The following SYT17 variants were observed in gnomAD, a reference collection of about 807,000 sequenced individuals.
The protein encoded by SYT17 is synaptotagmin-17.
In SYT17, 22 loss-of-function variants were observed where a neutral mutation model predicts 46.7. The ratio of observed to expected loss-of-function variants is 0.47; its 90% CI spans 0.34 to 0.67. SYT17 has a LOEUF of 0.67. Among genes scored for constraint, SYT17 ranks in the 30% least tolerant of loss-of-function variants. The pLI is 0.01. For missense variants in SYT17, 519 were observed against 612.8 expected, an observed-to-expected ratio of 0.85 and a Z score of 1.62; for synonymous variants, 251 against 248.4, an observed-to-expected ratio of 1.01 and a Z score of -0.10.
intron 7 of SYT17, among the ~76,000 whole-genome samples, chr16:19,249,253 G>A (rs59243402): frequency 0.051 from 7,720 of 150,534 alleles, 684 homozygotes; most frequent in African/African-American, 0.18. Context: ...CAGCCTGGGC[G>A]ACAGAGCGAG....
chr16:19,215,658 C>T, intron 5 of SYT17, among the ~76,000 whole-genome samples: 1 of 152,140 alleles, frequency 6.6e-6, no homozygotes, highest in East Asian at 1.9e-4. Flanking sequence ...CTCAAGCAAT[C>T]CTCCAGCCTT....
At chr16:19,242,780 C>T (rs1342017372) in intron 7 of SYT17, among the ~76,000 whole-genome samples, 4 of 152,088 alleles carry the variant, frequency 2.6e-5, no homozygotes, top group Non-Finnish European at 4.4e-5. Flanking sequence ...CTGCCCGTCT[C>T]GGCCTCCCAA....
At chr16:19,221,911 G>C (rs1296832313) in intron 5 of SYT17, among the ~76,000 whole-genome samples, 1 of 152,154 alleles carries the variant, frequency 6.6e-6, no homozygotes, top group African/African-American at 2.4e-5. Flanking sequence ...AGTTACTTCA[G>C]AGGAATATGG....
chr16:19,226,284 C>T (rs1966493177), intron 7 of SYT17, among the ~76,000 whole-genome samples: 1 of 152,128 alleles, frequency 6.6e-6, no homozygotes, highest in Non-Finnish European at 1.5e-5. Context: ...AGGGCTAGAA[C>T]TGGGGATCGA....
intron 5 of SYT17, among the ~76,000 whole-genome samples, chr16:19,199,570 C>T (rs1342287657): frequency 6.6e-6 from 1 of 152,074 alleles, no homozygotes; most frequent in African/African-American, 2.4e-5. Context: ...AAGACCCCTT[C>T]TCTATAAAAT....
chr16:19,228,760 A>T (rs1966582073), intron 7 of SYT17, among the ~76,000 whole-genome samples: 1 of 152,188 alleles, frequency 6.6e-6, no homozygotes, highest in African/African-American at 2.4e-5. Context: ...CTGAACTCAG[A>T]TTCATAAGGT....
chr16:19,232,332 T>G (rs1040687090), intron 7 of SYT17, among the ~76,000 whole-genome samples: 1 of 152,186 alleles, frequency 6.6e-6, no homozygotes, highest in East Asian at 1.9e-4. Flanking sequence ...TATTTTCACA[T>G]GCATCTGCGT....
At chr16:19,242,610 G>A (rs1180000081) in intron 7 of SYT17, among the ~76,000 whole-genome samples, 3 of 151,864 alleles carry the variant, frequency 2.0e-5, no homozygotes, top group Non-Finnish European at 4.4e-5. Context: ...CTGCAGCCTC[G>A]ACCTCCCTAG....
chr16:19,234,767 C>T (rs1966823952), intron 7 of SYT17, among the ~76,000 whole-genome samples: 1 of 152,130 alleles, frequency 6.6e-6, no homozygotes, highest in Admixed American at 6.5e-5. Context: ...GCCTGTGGGC[C>T]CATCCAGAAG....
At chr16:19,207,083 C>T (rs922238140) in intron 5 of SYT17, among the ~76,000 whole-genome samples, 6 of 152,108 alleles carry the variant, frequency 3.9e-5, no homozygotes, top group African/African-American at 1.4e-4. Context: ...AAAAGAGCCT[C>T]GTGCCTTCCC....
chr16:19,175,852 T>C (rs17312102), intron 3 of SYT17, among the ~76,000 whole-genome samples: 13,531 of 152,184 alleles, frequency 0.089, 629 homozygotes, highest in Admixed American at 0.1. Flanking sequence ...CAATCATCAG[T>C]TGAAAAGTTA....
At chr16:19,215,573 G>A (rs1452543752) in intron 5 of SYT17, among the ~76,000 whole-genome samples, 1 of 152,090 alleles carries the variant, frequency 6.6e-6, no homozygotes, top group Non-Finnish European at 1.5e-5. Context: ...CACCACAGCT[G>A]GCTAATTTTT....
chr16:19,219,994 G>A (rs147177978), intron 5 of SYT17, among the ~76,000 whole-genome samples: 176 of 152,346 alleles, frequency 1.2e-3, no homozygotes, highest in Admixed American at 7.9e-3. Flanking sequence ...TAGAGTAGAT[G>A]TGTCAGCAGG....
At chr16:19,231,664 C>A (rs1005674788) in intron 7 of SYT17, among the ~76,000 whole-genome samples, 2 of 151,332 alleles carry the variant, frequency 1.3e-5, no homozygotes, top group African/African-American at 2.4e-5. Flanking sequence ...GCTTGCTGGC[C>A]GCCTGTTATG....
intron 7 of SYT17, among the ~76,000 whole-genome samples, chr16:19,230,750 T>G (rs1164692092): frequency 6.6e-6 from 1 of 152,202 alleles, no homozygotes; most frequent in African/African-American, 2.4e-5. Context: ...CTGTGTAATC[T>G]TGGCACTTTG....
chr16:19,241,138 G>A (rs867600342), intron 7 of SYT17, among the ~76,000 whole-genome samples: 2,940 of 151,460 alleles, frequency 0.019, 82 homozygotes, highest in African/African-American at 0.066. Context: ...TAGTAGAGAC[G>A]GGGTTTCACC....
At chr16:19,215,040 G>A (rs953883916) in intron 5 of SYT17, among the ~76,000 whole-genome samples, 5 of 152,000 alleles carry the variant, frequency 3.3e-5, no homozygotes, top group Admixed American at 1.3e-4. Context: ...TGCCTGCCTC[G>A]GCCTCCCAAA....
At chr16:19,259,682 A>ATTTTTTTTTT (rs67609928) in intron 7 of SYT17, among the ~76,000 whole-genome samples, 1 of 147,924 alleles carries the variant, frequency 6.8e-6, no homozygotes, top group Non-Finnish European at 1.5e-5. Flanking sequence ...GAATGTTTTG[A>ATTTTTTTTTT]TTTTTTTTTT....
chr16:19,256,811 C>T (rs1968606967), intron 7 of SYT17, among the ~76,000 whole-genome samples: 1 of 152,132 alleles, frequency 6.6e-6, no homozygotes, highest in African/African-American at 2.4e-5. Context: ...TTCCTGGGCT[C>T]AAGCGATCCT....
Sources: gnomAD v4.1 joint callset for allele counts (sites outside exome capture counted in the v4.1 genomes callset) on GRCh38, gnomAD v4.1.1 for gene constraint, MANE v1.5 for transcripts, NCBI Gene and HGNC (gene_info 2026-07-23, HGNC 2026-07-21) for gene names.